Variants in TLN2 observed in about 807,000 individuals in gnomAD.
TLN2 encodes talin 2.
TLN2 carries 118 observed loss-of-function variants against 294.7 expected under a neutral mutation model. The observed-to-expected ratio is 0.40, with a 90% CI of 0.34 to 0.47. TLN2 has a LOEUF of 0.47. TLN2 is among the 20% of genes least tolerant of loss of function. The probability of loss-of-function intolerance (pLI) is 0.84; values close to 1 mark genes in which losing one functional copy is unlikely to be tolerated. For missense variants in TLN2, 3,083 were observed against 3,282.2 expected (o/e 0.94, Z 1.48); for synonymous variants, 1,431 against 1,304.5 (o/e 1.10, Z -2.09).
chr15:62,435,553 T>C (rs1380251591), intron 1 of TLN2, among the ~76,000 whole-genome samples: 2 of 152,258 alleles, frequency 1.3e-5, no homozygotes, highest in African/African-American at 4.8e-5. Flanking sequence ...TTTTATTTAT[T>C]TTTTTGAAAT....
chr15:62,794,140 T>C (rs1238954570), intron 46 of TLN2, among the ~76,000 whole-genome samples: 2 of 152,292 alleles, frequency 1.3e-5, no homozygotes, highest in East Asian at 1.9e-4. Flanking sequence ...ACATAGTGTT[T>C]GTAGGCATGG....
chr15:62,664,875 A>AG (rs1449208239), intron 9 of TLN2, among the ~76,000 whole-genome samples: 10 of 146,574 alleles, frequency 6.8e-5, no homozygotes, highest in African/African-American at 2.7e-4. Flanking sequence ...AAAAAAAAAA[A>AG]AAAGTGGCTA....
At chr15:62,589,789 T>G (rs2045939307) in intron 2 of TLN2, 27 bp downstream of exon 2, 1 of 152,208 alleles carries the variant, frequency 6.6e-6, no homozygotes. Context: ...AGATACTTTG[T>G]TCTTATCAAT....
intron 55 of TLN2, 95 bp from the exon 56 acceptor site, chr15:62,835,642 T>C: frequency 7.1e-7 from 1 of 1,400,632 alleles, no homozygotes; most frequent in Admixed American, 1.7e-5. Flanking sequence ...CCAAGCGGGG[T>C]ACAAGTCTGG....
At chr15:62,653,456 T>A in intron 7 of TLN2, 142 bp downstream of exon 7, 1 of 1,072,536 alleles carries the variant, frequency 9.3e-7, no homozygotes, top group Non-Finnish European at 1.3e-6. Flanking sequence ...CTGGGCTCAG[T>A]GGCTCACTTC....
At chr15:62,415,706 G>T (rs1191216365) in intron 1 of TLN2, among the ~76,000 whole-genome samples, 1 of 152,228 alleles carries the variant, frequency 6.6e-6, no homozygotes, top group Admixed American at 6.5e-5. Context: ...TGTTCCAAGG[G>T]TTGGGCCAGT....
At chr15:62,629,994 T>C in intron 3 of TLN2, among the ~76,000 whole-genome samples, 1 of 152,216 alleles carries the variant, frequency 6.6e-6, no homozygotes, top group East Asian at 1.9e-4. Context: ...TCTATGTCTT[T>C]AAAGTCAGGA....
intron 52 of TLN2, among the ~76,000 whole-genome samples, chr15:62,810,592 C>A (rs974007516): frequency 2.0e-5 from 3 of 152,034 alleles, no homozygotes; most frequent in East Asian, 1.9e-4. Context: ...GCAGAAGACA[C>A]CAGGCAGGGG....
chr15:62,670,932 C>T (rs1404329912), intron 9 of TLN2, among the ~76,000 whole-genome samples: 1 of 152,196 alleles, frequency 6.6e-6, no homozygotes, highest in Non-Finnish European at 1.5e-5. Flanking sequence ...TTCTCTATGC[C>T]TTTGTCAACA....
intron 1 of TLN2, among the ~76,000 whole-genome samples, chr15:62,563,908 C>G (rs2043178439): frequency 6.6e-6 from 1 of 152,160 alleles, no homozygotes; most frequent in Non-Finnish European, 1.5e-5. Context: ...TCTTCTCCCA[C>G]TGGATGGAAG....
chr15:62,814,429 C>G (rs1304618089), intron 52 of TLN2, among the ~76,000 whole-genome samples: 4 of 151,716 alleles, frequency 2.6e-5, no homozygotes, highest in South Asian at 2.1e-4. Flanking sequence ...TAGTCTCCCT[C>G]AGTGGTCTTG....
chr15:62,501,313 T>C (rs2039294595), intron 1 of TLN2, among the ~76,000 whole-genome samples: 1 of 152,160 alleles, frequency 6.6e-6, no homozygotes, highest in South Asian at 2.1e-4. Context: ...GCAGGCCACA[T>C]GTGTCTCTCT....
At chr15:62,751,973 G>A (rs1223999520) in intron 34 of TLN2, among the ~76,000 whole-genome samples, 1 of 152,190 alleles carries the variant, frequency 6.6e-6, no homozygotes, top group Non-Finnish European at 1.5e-5. Flanking sequence ...ACAGCTCGAT[G>A]CATATGATTT....
intron 1 of TLN2, among the ~76,000 whole-genome samples, chr15:62,513,453 T>A (rs1595983741): frequency 6.6e-6 from 1 of 152,248 alleles, no homozygotes; most frequent in African/African-American, 2.4e-5. Flanking sequence ...GTTAGAACTT[T>A]CTGCTCTGTT....
intron 54 of TLN2, among the ~76,000 whole-genome samples, chr15:62,822,420 G>A (rs926871451): frequency 3.3e-5 from 5 of 152,166 alleles, no homozygotes; most frequent in East Asian, 1.9e-4. Flanking sequence ...GGAAGCTCGC[G>A]TTGTTCAGCT....
At chr15:62,417,067 C>T (rs1381278840) in intron 1 of TLN2, among the ~76,000 whole-genome samples, 3 of 152,078 alleles carry the variant, frequency 2.0e-5, no homozygotes, top group Non-Finnish European at 4.4e-5. Flanking sequence ...TTGGAGTTGA[C>T]GTTGGGGAGT....
At chr15:62,822,733 T>C (rs2067680933) in intron 54 of TLN2, among the ~76,000 whole-genome samples, 1 of 152,172 alleles carries the variant, frequency 6.6e-6, no homozygotes. Context: ...ATTATGCAGC[T>C]ATGAAAAATA....
intron 36 of TLN2, 93 bp from the exon 37 acceptor site, chr15:62,755,439 T>C: frequency 6.9e-7 from 1 of 1,450,746 alleles, no homozygotes; most frequent in Non-Finnish European, 9.2e-7. Context: ...GCTCTGAACA[T>C]GTGAGTTGAA....
In TLN2 at chr15:62,838,864, A is replaced by C. The variant is rs762951389; in HGVS notation, c.7383A>C (p.Gly2461=). ...SEAMRRLQAA[G]NAVKRASDNL... ...TTTTGTTCACTCTCCAGGCGGCAGGAAATGCTGTGAAAAGAGCCTCAGACA... is the reference window on the plus strand; with the variant it reads ...TTTTGTTCACTCTCCAGGCGGCAGGCAATGCTGTGAAAAGAGCCTCAGACA... The change falls in exon 58 of 59, where the codon GGA becomes GGC. Residue 2461 remains glycine, a synonymous_variant. Transcript: ENST00000636159. 8.1e-6 allele frequency: 13 copies of C among 1,613,934 alleles called. No individual in the cohort carries two copies. The South Asian group carries it at 1.3e-4, about 16-fold the overall frequency.
Sources: gnomAD v4.1 joint callset for allele counts (sites outside exome capture counted in the v4.1 genomes callset) on GRCh38, gnomAD v4.1.1 for gene constraint, MANE v1.5 for transcripts, NCBI Gene and HGNC (gene_info 2026-07-23, HGNC 2026-07-21) for gene names.